The following DHX37 variants were observed in gnomAD, a reference collection of about 807,000 sequenced individuals.
The protein encoded by DHX37 is DEAH-box helicase 37, also known as probable ATP-dependent RNA helicase DHX37.
Under a neutral mutation model 134.3 loss-of-function variants are expected in DHX37, and 52 were observed. That is an observed-to-expected ratio of 0.39 (90% CI 0.31 to 0.49). DHX37 has a LOEUF of 0.49. Among genes scored for constraint, DHX37 ranks in the 20% least tolerant of loss-of-function variants. DHX37 has a pLI of 0.93. For missense variants in DHX37, 1,344 were observed against 1,580.8 expected, an observed-to-expected ratio of 0.85 and a Z score of 2.54; for synonymous variants, 634 against 670.7, an observed-to-expected ratio of 0.95 and a Z score of 0.85.
chr12:124,954,664 C>T (rs67771188), intron 18 of DHX37, among the ~76,000 whole-genome samples: 40,251 of 151,930 alleles, frequency 0.26, 7,081 homozygotes, highest in African/African-American at 0.51. Flanking sequence ...TCCCAAAGTG[C>T]TGGGATTACA....
At chr12:124,960,969 G>A (rs1308575193) in intron 15 of DHX37, among the ~76,000 whole-genome samples, 1 of 152,096 alleles carries the variant, frequency 6.6e-6, no homozygotes, top group Non-Finnish European at 1.5e-5. Context: ...CAAAAGAAAA[G>A]GTATTATTCC....
chr12:124,968,873 G>T lies in DHX37; in HGVS notation c.1287C>A (p.Val429=). Residue 429 remains valine, a synonymous_variant, in exon 9 of 27, where the codon GTC becomes GTA. Coordinates refer to ENST00000308736, the MANE Select transcript of DHX37 (RefSeq NM_032656.4). ...NPRLFAKPPP[V]IKVESRQFPV... ...ACATGGGACCCTGTGTTACCTTGAT[G>T]ACCGGCGGCGGCTTGGCGAAGAGCC... 6.2e-7 allele frequency: 1 copy of T among 1,614,056 alleles called. No individual in the cohort carries two copies. The highest frequency in any genetic ancestry group is 1.1e-5 in the South Asian group (1 of 91,040).
intron 14 of DHX37, 33 bp from the exon 15 acceptor site, chr12:124,964,659 C>T (rs755175517): frequency 1.1e-5 from 17 of 1,604,704 alleles, no homozygotes; most frequent in Non-Finnish European, 1.4e-5. Context: ...CAGGAAAACA[C>T]CAGAATCAGA....
At chr12:124,962,262 A>G (rs1954280918) in intron 15 of DHX37, among the ~76,000 whole-genome samples, 1 of 152,228 alleles carries the variant, frequency 6.6e-6, no homozygotes, top group Non-Finnish European at 1.5e-5. Context: ...GGTGCTGGCC[A>G]GGCGTGGTGG....
At chr12:124,987,334 C>A (rs1022884458) in intron 1 of DHX37, among the ~76,000 whole-genome samples, 1 of 152,238 alleles carries the variant, frequency 6.6e-6, no homozygotes, top group Non-Finnish European at 1.5e-5. Flanking sequence ...CAGAGCAAGG[C>A]TCCATCTCAA....
chr12:124,967,200 AG>A lies in DHX37; in HGVS notation c.1426del (p.Leu476Ter). On this transcript the variant is annotated frameshift_variant, in exon 11 of 27. Coordinates refer to ENST00000308736, the MANE Select transcript of DHX37 (RefSeq NM_032656.4). LOFTEE classifies it high-confidence loss of function. Reference protein sequence around the residue: ...MLPAGGILVFLTGQAEVHALC... With the variant: ...MLPAGGILVFXTGQAEVHALC... Reference sequence around the variant, plus strand: ...CGCATGCACCTCAGCCTGCCCCGTCAGGAACACCAGGATGCCACCTGTGGAA... The same window carrying A: ...CGCATGCACCTCAGCCTGCCCCGTCAGAACACCAGGATGCCACCTGTGGAA... 1 of 1,613,928 alleles carries A rather than the reference AG, an allele frequency of 6.2e-7. No homozygotes were observed. The highest frequency in any genetic ancestry group is 2.2e-5 in the East Asian group (1 of 44,882).
chr12:124,957,210 C>T (rs1954117169), intron 16 of DHX37, 75 bp from the exon 17 acceptor site: 9 of 1,336,464 alleles, frequency 6.7e-6, no homozygotes, highest in Non-Finnish European at 7.9e-6. Flanking sequence ...CCGTCTGTGG[C>T]AGGCACTCCC....
chr12:124,981,426 G>A (rs966573528), intron 3 of DHX37, among the ~76,000 whole-genome samples: 5 of 152,146 alleles, frequency 3.3e-5, no homozygotes, highest in African/African-American at 1.2e-4. Flanking sequence ...GGTGTGGCCG[G>A]ATCGTCCAAC....
chr12:124,981,928 A>G (rs1203287553), intron 3 of DHX37, among the ~76,000 whole-genome samples: 13 of 151,748 alleles, frequency 8.6e-5, no homozygotes, highest in Admixed American at 8.5e-4. Context: ...GTTCGAGACC[A>G]GCCTGACCAA....
chr12:124,979,176 G>A (rs548312993), intron 4 of DHX37, among the ~76,000 whole-genome samples: 4 of 152,210 alleles, frequency 2.6e-5, no homozygotes, highest in Admixed American at 6.5e-5. Context: ...AGACCAGCCT[G>A]GGCAACATGG....
chr12:124,962,643 G>C (rs1954290140), intron 15 of DHX37, among the ~76,000 whole-genome samples: 1 of 151,924 alleles, frequency 6.6e-6, no homozygotes, highest in Admixed American at 6.6e-5. Flanking sequence ...GCCGACAACA[G>C]TGAGACTCAG....
chr12:124,957,070 C>T lies in DHX37; in HGVS notation c.2223G>A (p.Leu741=). Residue 741 remains leucine (L), a synonymous_variant, in exon 17 of 27, where the codon TTG becomes TTA. Transcript: ENST00000308736. ...GCGGTTGCAGGGCACCCAGTGCGAT[C>T]AACAGCTCCTCGGCGGCAAGAAGGG... ...VEALLAAEEL[L]IALGALQPPQ... is the part of the protein sequence containing the mutation. 6.7e-7 allele frequency: 1 copy of T among 1,502,750 alleles called. No individual in the cohort carries two copies. The highest frequency in any genetic ancestry group is 8.8e-7 in the Non-Finnish European group (1 of 1,130,922). 93.1% of individuals were successfully genotyped at this position (1,502,750 alleles called of 1,614,324 possible).
In DHX37 at chr12:124,966,782, C is replaced by A; in HGVS notation, c.1590+11G>T. On this transcript the variant is annotated intron_variant, in intron 12 of 26. Transcript: ENST00000308736. ...TTACTCTCCAGGAGTCCCTGCCAGC[C>A]CCCCACGTACCTCAGCCCGCGCCTT... is the stretch of plus-strand genomic sequence containing the variant. The A allele has an allele frequency of 6.2e-7, 1 of 1,614,170 alleles. No homozygotes were observed. Among genetic ancestry groups the A allele is most frequent in the Non-Finnish European group, 8.5e-7 (1 of 1,179,980 alleles).
rs1402707622 is a variant in DHX37, at chr12:124,949,505, A to C, written c.3290+481T>G. ...AGGAAGTCCCCAGGGCCAGGAGGGCAGGATGCCTCCCACTGACACCTGGCG... is the reference window on the plus strand; with the variant it reads ...AGGAAGTCCCCAGGGCCAGGAGGGCCGGATGCCTCCCACTGACACCTGGCG... On this transcript the variant is annotated intron_variant, in intron 25 of 26. Transcript: ENST00000308736. The surrounding 1 kb of genome is among the most constrained non-coding windows in gnomAD (Gnocchi z 4.0). Among the ~76,000 whole-genome samples the C allele has an allele frequency of 2.0e-5, 3 of 152,164 alleles. No homozygotes were observed. The South Asian group carries it at 6.2e-4, about 31-fold the overall frequency.
chr12:124,951,699 T>A (rs1953980457), intron 21 of DHX37, among the ~76,000 whole-genome samples: 1 of 152,136 alleles, frequency 6.6e-6, no homozygotes, highest in Non-Finnish European at 1.5e-5. Context: ...AAGACTAGCC[T>A]GGGTAACACT....
chr12:124,957,952 G>A (rs755251665), intron 16 of DHX37, among the ~76,000 whole-genome samples: 9 of 152,226 alleles, frequency 5.9e-5, no homozygotes, highest in African/African-American at 1.7e-4. Context: ...GCTACACCAC[G>A]GATGGAGCTT....
At chr12:124,967,926 A>G (rs7965612) in intron 10 of DHX37, among the ~76,000 whole-genome samples, 8,429 of 152,078 alleles carry the variant, frequency 0.055, 656 homozygotes, top group African/African-American at 0.18. Flanking sequence ...AAAATTAGCC[A>G]GGCGTGGCAG....
At chr12:124,961,224 GCACGCACACAC>G (rs1408738757) in intron 15 of DHX37, among the ~76,000 whole-genome samples, 15 of 117,886 alleles carry the variant, frequency 1.3e-4, no homozygotes, top group African/African-American at 4.9e-4. Context: ...GCACGCACAC[GCACGCACACAC>G]ACATACACGC....
At chr12:124,975,795 A>G (rs1954626386) in intron 5 of DHX37, among the ~76,000 whole-genome samples, 1 of 152,186 alleles carries the variant, frequency 6.6e-6, no homozygotes, top group Non-Finnish European at 1.5e-5. Flanking sequence ...CCAGTCAAGC[A>G]CAAGCTCCTC....
Sources: gnomAD v4.1 joint callset for allele counts (sites outside exome capture counted in the v4.1 genomes callset) on GRCh38, gnomAD v4.1.1 for gene constraint, Gnocchi (gnomAD v3.1) non-coding constraint, MANE v1.5 for transcripts, NCBI Gene and HGNC (gene_info 2026-07-23, HGNC 2026-07-21) for gene names.